PIK3C2G: variants seen among roughly 807,000 people sequenced by gnomAD.
PIK3C2G encodes the protein phosphatidylinositol 3-kinase C2 domain-containing subunit gamma.
In PIK3C2G, 168 loss-of-function variants were observed where a neutral mutation model predicts 181.1. That is an observed-to-expected ratio of 0.93 (90% CI 0.82 to 1.05). The LOEUF (loss-of-function observed/expected upper bound fraction) is 1.05. PIK3C2G is among the 50% of genes least tolerant of loss of function. The pLI is 0.00. For synonymous variants in PIK3C2G, 573 were observed against 592.2 expected, an observed-to-expected ratio of 0.97 and a Z score of 0.47; for missense variants, 1,869 against 1,732.8, an observed-to-expected ratio of 1.08 and a Z score of -1.40.
intron 18 of PIK3C2G, among the ~76,000 whole-genome samples, chr12:18,457,803 TA>T (rs1947708991): frequency 6.6e-6 from 1 of 152,168 alleles, no homozygotes. Flanking sequence ...TGAACAAAGA[TA>T]ATATGGACTG....
At chr12:18,395,331 A>C (rs560392767) in intron 15 of PIK3C2G, among the ~76,000 whole-genome samples, 1 of 151,442 alleles carries the variant, frequency 6.6e-6, no homozygotes, top group East Asian at 1.9e-4. Context: ...TCATCAAAAA[A>C]AAAATCAAGA....
intron 1 of PIK3C2G, among the ~76,000 whole-genome samples, chr12:18,269,724 C>T (rs747892436): frequency 3.3e-5 from 5 of 151,742 alleles, no homozygotes; most frequent in Admixed American, 2.6e-4. Context: ...ATAATGCTTA[C>T]GCAAAATGGA....
the PIK3C2G span, among the ~76,000 whole-genome samples, chr12:18,657,024 G>A: frequency 1.3e-5 from 2 of 152,052 alleles, no homozygotes; most frequent in Non-Finnish European, 2.9e-5. Flanking sequence ...ATCTCATTCT[G>A]ACCACAAAGA....
intron 13 of PIK3C2G, among the ~76,000 whole-genome samples, chr12:18,378,542 C>T (rs963064271): frequency 2.0e-5 from 3 of 152,106 alleles, no homozygotes; most frequent in Non-Finnish European, 4.4e-5. Context: ...TAAAGAGCTT[C>T]GGCACAGCAA....
At chr12:18,347,900 A>G (rs1361593289) in intron 11 of PIK3C2G, among the ~76,000 whole-genome samples, 1 of 152,178 alleles carries the variant, frequency 6.6e-6, no homozygotes, top group Non-Finnish European at 1.5e-5. Flanking sequence ...AGAGTAAATT[A>G]AAGAGGAAAT....
chr12:18,428,977 G>A (rs932287028), intron 18 of PIK3C2G, among the ~76,000 whole-genome samples: 1 of 152,192 alleles, frequency 6.6e-6, no homozygotes, highest in Non-Finnish European at 1.5e-5. Flanking sequence ...ATTGAGTTGA[G>A]TGGTGGCCCC....
intron 31 of PIK3C2G, among the ~76,000 whole-genome samples, chr12:18,634,151 G>A (rs918623329): frequency 1.3e-5 from 2 of 152,190 alleles, no homozygotes; most frequent in Non-Finnish European, 2.9e-5. Flanking sequence ...GATGCTTCAG[G>A]AGGGTGGGGA....
chr12:18,243,967 T>A (rs1357102480), upstream of PIK3C2G, among the ~76,000 whole-genome samples: 2 of 151,810 alleles, frequency 1.3e-5, no homozygotes, highest in Non-Finnish European at 2.9e-5. Context: ...TAAGACTGAG[T>A]CCCTGCCTTC....
intron 18 of PIK3C2G, among the ~76,000 whole-genome samples, chr12:18,427,223 T>C (rs1170554150): frequency 6.6e-6 from 1 of 151,738 alleles, no homozygotes; most frequent in Non-Finnish European, 1.5e-5. Flanking sequence ...GACAATGTTT[T>C]AGGCGGGCGT....
In PIK3C2G at chr12:18,290,865, A is replaced by G. The variant is rs756847879; in HGVS notation, c.772A>G (p.Arg258Gly). 7.5e-6 allele frequency: 12 copies of G among 1,599,436 alleles called. No homozygotes were observed. The highest frequency in any genetic ancestry group is 1.1e-5 in the South Asian group (1 of 90,424). ...ACATATGTTTTTCAGAATCAGAGAA[A>G]GATATCATGCAGCTGATGTTAATTT... Reference protein sequence around the residue: ...FCNKVKKIRERYHAADVNFNS... With the variant: ...FCNKVKKIREGYHAADVNFNS... Residue 258 changes from arginine to glycine, a missense_variant, in exon 4 of 33, where the codon AGA (arginine) becomes GGA (glycine). Coordinates refer to ENST00000538779, the MANE Select transcript of PIK3C2G (RefSeq NM_001288772.2).
intron 1 of PIK3C2G, among the ~76,000 whole-genome samples, chr12:18,252,255 G>A (rs1948102375): frequency 6.6e-6 from 1 of 152,226 alleles, no homozygotes; most frequent in African/African-American, 2.4e-5. Flanking sequence ...AGCAAGGTTA[G>A]TCTCTCACCC....
intron 6 of PIK3C2G, among the ~76,000 whole-genome samples, chr12:18,315,398 A>AG (rs1230133269): frequency 6.6e-6 from 1 of 152,142 alleles, no homozygotes; most frequent in Non-Finnish European, 1.5e-5. Context: ...CTCAATGTTG[A>AG]GAAAAAAAAA....
chr12:18,280,473 A>C (rs554113304), intron 1 of PIK3C2G, among the ~76,000 whole-genome samples: 1 of 152,134 alleles, frequency 6.6e-6, no homozygotes, highest in African/African-American at 2.4e-5. Context: ...AAGTAGGATG[A>C]GTGTCCAGGA....
chr12:18,255,543 A>C (rs1051910549), intron 1 of PIK3C2G, among the ~76,000 whole-genome samples: 2 of 152,220 alleles, frequency 1.3e-5, no homozygotes, highest in African/African-American at 4.8e-5. Flanking sequence ...TTTCCTCACT[A>C]TCTCCCAACT....
At chr12:18,251,417 C>T (rs748641085) in intron 1 of PIK3C2G, among the ~76,000 whole-genome samples, 12 of 151,946 alleles carry the variant, frequency 7.9e-5, no homozygotes, top group Non-Finnish European at 1.5e-4. Flanking sequence ...ATCACACAAA[C>T]TACAAATGCA....
At chr12:18,292,802 G>A in intron 4 of PIK3C2G, among the ~76,000 whole-genome samples, 1 of 152,182 alleles carries the variant, frequency 6.6e-6, no homozygotes, top group East Asian at 1.9e-4. Context: ...TACTACATGG[G>A]AAAGGAAGAA....
intron 5 of PIK3C2G, among the ~76,000 whole-genome samples, chr12:18,304,489 T>C (rs1950337858): frequency 6.6e-6 from 1 of 152,158 alleles, no homozygotes; most frequent in Admixed American, 6.5e-5. Flanking sequence ...ATGCCTGACC[T>C]CTAGTGATCA....
At chr12:18,361,614 C>T (rs1941244739) in intron 11 of PIK3C2G, among the ~76,000 whole-genome samples, 1 of 151,778 alleles carries the variant, frequency 6.6e-6, no homozygotes, top group Non-Finnish European at 1.5e-5. Flanking sequence ...CATCTTCACT[C>T]TGCTTGTACT....
chr12:18,381,851 G>GT lies in PIK3C2G; in HGVS notation c.1967dup (p.Ser657LysfsTer11). ...AATGATAACTCCAGGAGTGTGGGAT[G>GT]TAAGTCAGCCATCCCCGGTGACCCT... On this transcript the variant is annotated frameshift_variant, in exon 14 of 33. Transcript: ENST00000538779. LOFTEE classifies it high-confidence loss of function. 6.2e-7 allele frequency: 1 copy of GT among 1,612,996 alleles called. No homozygotes were observed. Among genetic ancestry groups the GT allele is most frequent in the South Asian group, 1.1e-5 (1 of 91,056 alleles).
Sources: gnomAD v4.1 joint callset for allele counts (sites outside exome capture counted in the v4.1 genomes callset) on GRCh38, gnomAD v4.1.1 for gene constraint, MANE v1.5 for transcripts, NCBI Gene and HGNC (gene_info 2026-07-23, HGNC 2026-07-21) for gene names.